KCNH1: variants seen among roughly 807,000 people sequenced by gnomAD.
The protein encoded by KCNH1 is potassium voltage-gated channel subfamily H member 1, also known as voltage-gated delayed rectifier potassium channel KCNH1.
A neutral mutation model predicts 69.2 loss-of-function variants in KCNH1; 27 were observed. The ratio of observed to expected loss-of-function variants is 0.39; its 90% CI spans 0.29 to 0.54. KCNH1 has a LOEUF of 0.54. Among genes scored for constraint, KCNH1 ranks in the 20% least tolerant of loss-of-function variants. The pLI is 0.68. For missense variants in KCNH1, 798 were observed against 1,261.6 expected, an observed-to-expected ratio of 0.63 and a Z score of 5.57; for synonymous variants, 456 against 487.7, an observed-to-expected ratio of 0.93 and a Z score of 0.86.
chr1:211,076,902 G>C (rs905990746), intron 5 of KCNH1, among the ~76,000 whole-genome samples: 2 of 152,210 alleles, frequency 1.3e-5, no homozygotes, highest in Admixed American at 1.3e-4. Context: ...AAACAGTGTA[G>C]AGTAGACCTT....
intron 3 of KCNH1, among the ~76,000 whole-genome samples, chr1:211,092,843 TAAAAAAATTTC>T (rs1691076951): frequency 1.3e-5 from 2 of 151,792 alleles, no homozygotes; most frequent in South Asian, 4.2e-4. Context: ...TTTTTTGCTC[TAAAAAAATTTC>T]AGCATTTTTT....
chr1:210,708,949 A>T (rs949912992), intron 10 of KCNH1, among the ~76,000 whole-genome samples: 10 of 152,134 alleles, frequency 6.6e-5, no homozygotes, highest in Non-Finnish European at 8.8e-5. Context: ...CCGAAATGAC[A>T]GCTGTCCTTA....
intron 6 of KCNH1, among the ~76,000 whole-genome samples, chr1:211,009,455 A>G (rs918316008): frequency 6.6e-6 from 1 of 152,124 alleles, no homozygotes; most frequent in Non-Finnish European, 1.5e-5. Context: ...CCTTGATCAT[A>G]TGAGAAAGGA....
At chr1:211,089,867 C>G (rs1691022202) in intron 4 of KCNH1, among the ~76,000 whole-genome samples, 1 of 152,200 alleles carries the variant, frequency 6.6e-6, no homozygotes, top group African/African-American at 2.4e-5. Flanking sequence ...GACTAACATG[C>G]CATCTTTTTT....
At chr1:210,882,637 T>C (rs1424185703) in intron 7 of KCNH1, among the ~76,000 whole-genome samples, 3 of 152,134 alleles carry the variant, frequency 2.0e-5, no homozygotes. Flanking sequence ...TCCTTTGCTA[T>C]GAGTCAGAGA....
chr1:211,017,263 G>C (rs986933027), intron 6 of KCNH1, among the ~76,000 whole-genome samples: 1 of 152,112 alleles, frequency 6.6e-6, no homozygotes, highest in Admixed American at 6.5e-5. Context: ...CCAACCGCTG[G>C]TACTGATCTG....
At chr1:210,935,675 A>G (rs1687764241) in intron 6 of KCNH1, among the ~76,000 whole-genome samples, 1 of 152,230 alleles carries the variant, frequency 6.6e-6, no homozygotes, top group African/African-American at 2.4e-5. Flanking sequence ...CTCACATTTC[A>G]AATAATTCCA....
intron 6 of KCNH1, among the ~76,000 whole-genome samples, chr1:210,928,156 A>G (rs906383538): frequency 3.3e-5 from 5 of 152,228 alleles, no homozygotes; most frequent in African/African-American, 1.2e-4. Context: ...TAGGTCATCA[A>G]GACAGAAAGT....
At position 210,754,343 on chromosome 1, in the gene KCNH1, G is replaced by A. The variant is rs369563900; in HGVS notation, c.2112+21005C>T. On this transcript the variant is annotated intron_variant, in intron 10 of 10. Transcript: ENST00000271751. ...TTGGGATGATTGGATCCAAGAAATT[G>A]TTGTGTGGATTATCCAGCCTTCTTC... Among the ~76,000 whole-genome samples the A allele has an allele frequency of 9.9e-5, 15 of 151,724 alleles. 1 individual carries two copies. In the East Asian group the frequency reaches 1.7e-3, roughly 18 times the overall value.
At chr1:210,911,531 C>T (rs1687230449) in intron 7 of KCNH1, among the ~76,000 whole-genome samples, 1 of 148,270 alleles carries the variant, frequency 6.7e-6, no homozygotes, top group Admixed American at 6.8e-5. Context: ...ACAATGTGCA[C>T]ATGTACCCTA....
At chr1:210,815,859 A>T (rs1411043035) in intron 7 of KCNH1, among the ~76,000 whole-genome samples, 1 of 152,200 alleles carries the variant, frequency 6.6e-6, no homozygotes, top group South Asian at 2.1e-4. Context: ...CCAGTAGATA[A>T]GGCACCGGAG....
At chr1:210,935,374 G>T (rs1204337314) in intron 6 of KCNH1, among the ~76,000 whole-genome samples, 10 of 152,086 alleles carry the variant, frequency 6.6e-5, no homozygotes, top group Non-Finnish European at 1.3e-4. Flanking sequence ...GAAGGGGAGA[G>T]GGAATAGGGA....
intron 7 of KCNH1, among the ~76,000 whole-genome samples, chr1:210,886,513 C>G (rs946635076): frequency 2.6e-5 from 4 of 151,990 alleles, no homozygotes; most frequent in African/African-American, 9.7e-5. Context: ...CAGCTCCTCA[C>G]CAGCAAGGGA....
At chr1:210,857,641 T>C (rs933330413) in intron 7 of KCNH1, among the ~76,000 whole-genome samples, 2 of 152,260 alleles carry the variant, frequency 1.3e-5, no homozygotes, top group Non-Finnish European at 2.9e-5. Context: ...TTTATAGTTA[T>C]AGATTTTCTC....
chr1:210,818,714 A>T (rs902363456), intron 7 of KCNH1, among the ~76,000 whole-genome samples: 1 of 152,192 alleles, frequency 6.6e-6, no homozygotes, highest in Non-Finnish European at 1.5e-5. Flanking sequence ...GAACCAACAC[A>T]TAAGACTTCC....
intron 7 of KCNH1, among the ~76,000 whole-genome samples, chr1:210,835,557 A>G (rs888023019): frequency 6.6e-6 from 1 of 152,116 alleles, no homozygotes; most frequent in East Asian, 1.9e-4. Flanking sequence ...AGAATGTGGG[A>G]GAGAGGGAGG....
At chr1:210,980,931 C>G (rs1688699339) in intron 6 of KCNH1, among the ~76,000 whole-genome samples, 1 of 152,056 alleles carries the variant, frequency 6.6e-6, no homozygotes, top group African/African-American at 2.4e-5. Flanking sequence ...CAGACATTAC[C>G]TTGGTCCCGT....
chr1:210,871,987 T>G (rs1217238731), intron 7 of KCNH1, among the ~76,000 whole-genome samples: 1 of 151,226 alleles, frequency 6.6e-6, no homozygotes, highest in Non-Finnish European at 1.5e-5. Flanking sequence ...CACCAGCATG[T>G]CACATGTATA....
chr1:210,896,749 G>T (rs1206436079), intron 7 of KCNH1, among the ~76,000 whole-genome samples: 1 of 152,074 alleles, frequency 6.6e-6, no homozygotes, highest in African/African-American at 2.4e-5. Flanking sequence ...AAGAAGAAAA[G>T]GTTGAAGAAA....
Sources: allele counts gnomAD v4.1 joint callset (sites outside exome capture counted in the v4.1 genomes callset), GRCh38; gene constraint gnomAD v4.1.1; transcripts MANE v1.5; gene names NCBI Gene and HGNC (gene_info 2026-07-23, HGNC 2026-07-21).